The following PRPF18 variants were observed in gnomAD, a reference collection of about 807,000 sequenced individuals.
PRPF18 encodes the protein pre-mRNA-splicing factor 18.
In PRPF18, 38 loss-of-function variants were observed where a neutral mutation model predicts 46.5. The ratio of observed to expected loss-of-function variants is 0.82; its 90% CI spans 0.63 to 1.07. The LOEUF is 1.07. Among genes scored for constraint, PRPF18 ranks in the 50% least tolerant of loss-of-function variants. The pLI, the probability that PRPF18 is intolerant of heterozygous loss-of-function variation, is 0.00. For synonymous variants in PRPF18, 152 were observed against 146.7 expected (o/e 1.04, Z -0.26); for missense variants, 263 against 410.0 (o/e 0.64, Z 3.10).
chr10:13,597,795 G>GA, intron 2 of PRPF18: 2 of 613,352 alleles, frequency 3.3e-6, no homozygotes, highest in Non-Finnish European at 5.0e-6. Flanking sequence ...ATCAAAGCTT[G>GA]AATTTTTTTT....
chr10:13,610,329 A>C, intron 5 of PRPF18, 144 bp downstream of exon 5: 2 of 934,748 alleles, frequency 2.1e-6, no homozygotes, highest in Non-Finnish European at 3.0e-6. Flanking sequence ...TTATTTATTT[A>C]CTCCCCTTTT....
At chr10:13,618,644 AAG>A (rs2080380585) in intron 9 of PRPF18, among the ~76,000 whole-genome samples, 2 of 151,598 alleles carry the variant, frequency 1.3e-5, no homozygotes, top group Non-Finnish European at 2.9e-5. Flanking sequence ...AAAAAAAAGA[AAG>A]AATTTAGTGG....
At chr10:13,624,625 A>G (rs1221836412) in intron 9 of PRPF18, among the ~76,000 whole-genome samples, 1 of 152,226 alleles carries the variant, frequency 6.6e-6, no homozygotes, top group African/African-American at 2.4e-5. Context: ...AAAACAGGAA[A>G]ATTGAGTGGA....
Position 13,598,190 on chromosome 10 carries a change from A to G in PRPF18, c.144+655A>G, listed in dbSNP as rs561582790. 2.6e-5 allele frequency among the ~76,000 whole-genome samples: 4 copies of G among 152,270 alleles called. No homozygotes were observed. The East Asian group carries it at 7.7e-4, about 29-fold the overall frequency. ...GGAAGGCTTTGCTTGTATATTTTAG[A>G]AGAAATTAGTTGATAATGTATTGTG... On this transcript the variant is annotated intron_variant, in intron 2 of 9. Transcript: ENST00000378572.
chr10:13,626,699 G>A (rs987340990), intron 9 of PRPF18, among the ~76,000 whole-genome samples: 1 of 152,164 alleles, frequency 6.6e-6, no homozygotes, highest in Admixed American at 6.5e-5. Context: ...AATGCCAGAG[G>A]AAACACTTAA....
chr10:13,594,313 G>C (rs2080004683), intron 1 of PRPF18, among the ~76,000 whole-genome samples: 2 of 152,198 alleles, frequency 1.3e-5, no homozygotes, highest in African/African-American at 4.8e-5. Flanking sequence ...CCAGTCTGTT[G>C]CTGTATGTTG....
chr10:13,610,254 C>T lies in PRPF18; in HGVS notation c.510+69C>T, dbSNP rs932251617. On this transcript the variant is annotated intron_variant, in intron 5 of 9. Transcript: ENST00000378572. The stretch of plus-strand genomic sequence containing the variant: ...TTTCCTCTGGAGCAGATGACTGAGT[C>T]GGGCAGATTGTTGAGGGCAGAGCAC... 2.0e-5 allele frequency: 31 copies of T among 1,521,850 alleles called. No homozygotes were observed. In the African/African-American group the frequency reaches 2.1e-4, roughly 10 times the overall value. 94.3% of individuals were successfully genotyped at this position (1,521,850 alleles called of 1,614,324 possible). A position where few individuals can be genotyped will look rare whatever the true frequency, so the allele number is the denominator to read the frequency against.
rs1237609728 is a variant in PRPF18, at chr10:13,587,139, G to A, written c.53G>A (p.Arg18Lys). The A allele has an allele frequency of 1.9e-6, 3 of 1,613,714 alleles. No individual in the cohort carries two copies. The highest frequency in any genetic ancestry group is 2.5e-6 in the Non-Finnish European group (3 of 1,179,706). ...ILRKRQLVED[R>K]NLLVENKKYF... ...CGGAAGCGGCAGCTGGTGGAGGACA[G>A]GAACCTGCTGGTGGTGAGGACCCTG... Residue 18 changes from arginine to lysine, a missense_variant, in exon 1 of 10, where the codon AGG becomes AAG. This residue lies in a region of PRPF18 where 71 missense variants were observed against 69.2 expected (regional missense o/e 1.03). Transcript: ENST00000378572.
chr10:13,617,132 G>C (rs1472372283), intron 9 of PRPF18, among the ~76,000 whole-genome samples: 3 of 152,158 alleles, frequency 2.0e-5, no homozygotes, highest in Non-Finnish European at 4.4e-5. Context: ...TCCCTAGTGG[G>C]AAGAAAATCG....
intron 2 of PRPF18, among the ~76,000 whole-genome samples, chr10:13,599,500 A>C (rs1445314582): frequency 2.6e-4 from 40 of 152,188 alleles, no homozygotes; most frequent in Non-Finnish European, 4.4e-5. Context: ...GACTCCACAA[A>C]GGGGCTTGTA....
chr10:13,624,847 C>G (rs1192132552), intron 9 of PRPF18, among the ~76,000 whole-genome samples: 1 of 152,196 alleles, frequency 6.6e-6, no homozygotes, highest in Non-Finnish European at 1.5e-5. Flanking sequence ...TGGGCAAGCC[C>G]CACCTATTCA....
intron 9 of PRPF18, among the ~76,000 whole-genome samples, chr10:13,617,164 G>A (rs76256462): frequency 0.047 from 7,147 of 152,270 alleles, 506 homozygotes; most frequent in African/African-American, 0.15. Context: ...GTGTTTGCCA[G>A]ATTGTCATAA....
chr10:13,597,722 T>C, intron 2 of PRPF18, 187 bp downstream of exon 2: 1 of 1,485,986 alleles, frequency 6.7e-7, no homozygotes, highest in Non-Finnish European at 9.2e-7. Context: ...TTCAGGAAAA[T>C]ACATGCATGA....
chr10:13,631,322 TG>T (rs948767797), downstream of PRPF18: 7 of 152,288 alleles, frequency 4.6e-5, no homozygotes, highest in African/African-American at 1.7e-4. Context: ...CATGTGTGAG[TG>T]GATGCTCCCG....
intron 1 of PRPF18, chr10:13,591,466 C>T: frequency 1.6e-6 from 1 of 609,670 alleles, no homozygotes; most frequent in Non-Finnish European, 3.0e-6. Flanking sequence ...TGTAGAACAC[C>T]AATTTGTGAG....
downstream of PRPF18, chr10:13,632,574 A>G (rs1384415999): frequency 4.6e-5 from 7 of 152,202 alleles, no homozygotes; most frequent in African/African-American, 1.7e-4. Flanking sequence ...TTAATGTTCC[A>G]TATAAAGAAA....
intron 9 of PRPF18, among the ~76,000 whole-genome samples, chr10:13,629,607 C>T (rs907020510): frequency 1.3e-5 from 2 of 152,156 alleles, no homozygotes; most frequent in Admixed American, 6.5e-5. Context: ...CTAAGTAATA[C>T]ATTTTTTACT....
At chr10:13,647,028 T>A in the PRPF18 span, 1 of 940,436 alleles carries the variant, frequency 1.1e-6, no homozygotes, top group South Asian at 4.9e-5. Flanking sequence ...CAGCTATCAT[T>A]GTAGCTCCTG....
intron 1 of PRPF18, among the ~76,000 whole-genome samples, chr10:13,590,979 A>C (rs2079953194): frequency 6.6e-6 from 1 of 152,248 alleles, no homozygotes; most frequent in African/African-American, 2.4e-5. Flanking sequence ...GCTATATGCT[A>C]TCTGATTTGA....
Sources: allele counts gnomAD v4.1 joint callset (sites outside exome capture counted in the v4.1 genomes callset), GRCh38; gene constraint gnomAD v4.1.1; regional missense constraint gnomAD v4.1.1; transcripts MANE v1.5; gene names NCBI Gene and HGNC (gene_info 2026-07-23, HGNC 2026-07-21).